The following USP39 variants were observed in gnomAD, a reference collection of about 807,000 sequenced individuals.
The protein encoded by USP39 is ubiquitin specific peptidase 39.
In USP39, 38 loss-of-function variants were observed where a neutral mutation model predicts 66.4. That is an observed-to-expected ratio of 0.57 (90% CI 0.44 to 0.75). The LOEUF (loss-of-function observed/expected upper bound fraction) is 0.75. Among genes scored for constraint, USP39 ranks in the 30% least tolerant of loss-of-function variants. The pLI is 0.00. For synonymous variants in USP39, 303 were observed against 274.6 expected, an observed-to-expected ratio of 1.10 and a Z score of -1.02; for missense variants, 608 against 714.4, an observed-to-expected ratio of 0.85 and a Z score of 1.70.
upstream of USP39, chr2:85,611,385 G>A (rs1673515294): frequency 6.8e-7 from 1 of 1,463,456 alleles, no homozygotes; most frequent in Non-Finnish European, 9.0e-7. Context: ...GCTAGGTAGC[G>A]GAGCACCTTA....
At position 85,634,827 on chromosome 2, in the gene USP39, C is replaced by G. The variant is rs140767319; in HGVS notation, c.950-1226C>G. On this transcript the variant is annotated intron_variant, in intron 6 of 12. Coordinates refer to ENST00000323701, the MANE Select transcript of USP39 (RefSeq NM_006590.4). Reference sequence around the variant, plus strand: ...GATGAGTGTCAGCATTCACTGTGTTCCACAGGTGACTTATGGCCTGAAGGT... The same window carrying G: ...GATGAGTGTCAGCATTCACTGTGTTGCACAGGTGACTTATGGCCTGAAGGT... 1.2e-3 allele frequency among the ~76,000 whole-genome samples: 180 copies of G among 152,252 alleles called. 1 individual carries two copies. The highest frequency in any genetic ancestry group is 2.2e-3 in the Non-Finnish European group (147 of 68,024).
At position 85,630,732 on chromosome 2, in the gene USP39, T is replaced by C. The variant is rs758182276; in HGVS notation, c.735T>C (p.Asn245=). ...TGTTTGATTTTTAGGCTCTATCTAATGTTCCTCCTCTCCGGAACTACTTTC... is the reference window on the plus strand; with the variant it reads ...TGTTTGATTTTTAGGCTCTATCTAACGTTCCTCCTCTCCGGAACTACTTTC... ...YANAVLQALS[N]VPPLRNYFLE... Residue 245 remains asparagine (N), a synonymous_variant, in exon 6 of 13, where the codon AAT becomes AAC. Transcript: ENST00000323701. The C allele has an allele frequency of 1.2e-6, 2 of 1,614,196 alleles. No homozygotes were observed. Among genetic ancestry groups the C allele is most frequent in the Admixed American group, 1.7e-5 (1 of 60,024 alleles).
upstream of USP39, among the ~76,000 whole-genome samples, chr2:85,612,526 CCGCAGGCGCCGCGAAGGCTCTCCT>C (rs1673631588): frequency 6.6e-6 from 1 of 152,240 alleles, no homozygotes; most frequent in South Asian, 2.1e-4. Context: ...GGCGCCCAGG[CCGCAGGCGCCGCGAAGGCTCTCCT>C]GGCCCGGCTT....
rs1470356977 is a variant in USP39 at position 85,616,407 on chromosome 2, G to A, written c.212G>A (p.Arg71Gln). The A allele has an allele frequency of 6.3e-7, 1 of 1,599,680 alleles. No homozygotes were observed. The highest frequency in any genetic ancestry group is 1.1e-5 in the South Asian group (1 of 89,376). Reference protein sequence around the residue: ...EAPASVVPFVRVKREREVDED... With the variant: ...EAPASVVPFVQVKREREVDED... ...CCGGCTTCTGTTGTCCCGTTTGTGC[G>A]GGTGAAGCGGGAGCGCGAGGTCGAT... The change falls in exon 1 of 13, where the codon CGG becomes CAG. Residue 71 changes from arginine to glutamine, a missense_variant. This residue lies in a region of USP39 where 207 missense variants were observed against 145.7 expected (regional missense o/e 1.42). Coordinates refer to ENST00000323701, the MANE Select transcript of USP39 (RefSeq NM_006590.4).
chr2:85,646,883 CTT>C (rs773751290), intron 11 of USP39, among the ~76,000 whole-genome samples: 40 of 108,486 alleles, frequency 3.7e-4, no homozygotes, highest in Admixed American at 5.8e-4. Flanking sequence ...TGACCTGTTG[CTT>C]TTTTTTTTTT....
At chr2:85,627,527 A>G (rs749617017) in intron 5 of USP39, among the ~76,000 whole-genome samples, 4 of 152,146 alleles carry the variant, frequency 2.6e-5, no homozygotes, top group Non-Finnish European at 5.9e-5. Flanking sequence ...ATGGTGGCTC[A>G]TGCCTCTAAT....
rs77000464 is a variant in USP39, at chr2:85,625,190, A to G, written c.571-349A>G. 2.3e-3 allele frequency among the ~76,000 whole-genome samples: 347 copies of G among 152,256 alleles called. 1 individual carries two copies. Among genetic ancestry groups the G allele is most frequent in the East Asian group, 0.02 (104 of 5,176 alleles). On this transcript the variant is annotated intron_variant, in intron 4 of 12. Coordinates refer to ENST00000323701, the MANE Select transcript of USP39 (RefSeq NM_006590.4). ...ACTCTCCTGCTCCAAAGCTAGGTCC[A>G]TGTGCTGCTCCCAGGAGGTTCTATC...
upstream of USP39, among the ~76,000 whole-genome samples, chr2:85,609,996 T>C (rs1051800815): frequency 4.1e-5 from 6 of 145,714 alleles, no homozygotes; most frequent in East Asian, 4.1e-4. Context: ...AATCTTCTTA[T>C]GGGTCCAGTG....
chr2:85,618,158 A>G (rs1674142165), intron 1 of USP39, among the ~76,000 whole-genome samples: 1 of 151,678 alleles, frequency 6.6e-6, no homozygotes, highest in Non-Finnish European at 1.5e-5. Flanking sequence ...GTTTTATTAT[A>G]TTGGTCAGGC....
upstream of USP39, chr2:85,609,704 CG>C (rs1185987680): frequency 1.5e-6 from 2 of 1,333,694 alleles, no homozygotes; most frequent in African/African-American, 2.9e-5. Flanking sequence ...TTTTTTGAGA[CG>C]AAGTCTCACT....
At chr2:85,612,066 T>G, upstream of USP39, 1 of 1,131,392 alleles carries the variant, frequency 8.8e-7, no homozygotes, top group Non-Finnish European at 1.2e-6. Context: ...CGCCGCCCCT[T>G]GCTCAGCTTC....
chr2:85,609,621 G>C (rs536341650), upstream of USP39: 2 of 1,612,660 alleles, frequency 1.2e-6, no homozygotes, highest in Non-Finnish European at 8.5e-7. Context: ...AAGAAGAGGG[G>C]GGGTGCTGCT....
upstream of USP39, chr2:85,612,105 G>A (rs1673593126): frequency 2.1e-6 from 2 of 970,448 alleles, no homozygotes; most frequent in South Asian, 3.5e-5. Context: ...TCCGGTCTGG[G>A]AGGCCCCGGC....
At chr2:85,629,997 G>C (rs190123693) in intron 5 of USP39, among the ~76,000 whole-genome samples, 1 of 151,972 alleles carries the variant, frequency 6.6e-6, no homozygotes, top group Admixed American at 6.6e-5. Flanking sequence ...GGTTTTTGGG[G>C]AACAGGTGGT....
upstream of USP39, chr2:85,609,584 C>T (rs750648949): frequency 7.4e-6 from 12 of 1,613,978 alleles, no homozygotes; most frequent in African/African-American, 1.1e-4. Flanking sequence ...TGGGCAGAGA[C>T]ATCTGGAAGG....
At chr2:85,626,668 G>A in intron 5 of USP39, among the ~76,000 whole-genome samples, 1 of 151,768 alleles carries the variant, frequency 6.6e-6, no homozygotes, top group Non-Finnish European at 1.5e-5. Flanking sequence ...TCCTGCCCAT[G>A]TGCTCATAAC....
intron 6 of USP39, among the ~76,000 whole-genome samples, chr2:85,632,588 C>G (rs1675440694): frequency 6.6e-6 from 1 of 151,722 alleles, no homozygotes; most frequent in Non-Finnish European, 1.5e-5. Context: ...GCTGGGCCTA[C>G]AGGTGCGTGC....
At chr2:85,609,060 T>C, upstream of USP39, 1 of 1,614,180 alleles carries the variant, frequency 6.2e-7, no homozygotes, top group Admixed American at 1.7e-5. Context: ...CTTTCCTGGG[T>C]CATCACCCTA....
chr2:85,609,621 G>T (rs536341650), upstream of USP39: 4 of 1,612,658 alleles, frequency 2.5e-6, no homozygotes, highest in South Asian at 3.3e-5. Flanking sequence ...AAGAAGAGGG[G>T]GGGTGCTGCT....
Sources: gnomAD v4.1 joint callset for allele counts (sites outside exome capture counted in the v4.1 genomes callset) on GRCh38, gnomAD v4.1.1 for gene constraint, gnomAD v4.1.1 regional missense constraint, MANE v1.5 for transcripts, NCBI Gene and HGNC (gene_info 2026-07-23, HGNC 2026-07-21) for gene names.